The following TMEFF2 variants were observed in gnomAD, a reference collection of about 807,000 sequenced individuals.
The protein encoded by TMEFF2 is transmembrane protein with EGF like and two follistatin like domains 2.
In TMEFF2, 28 loss-of-function variants were observed where a neutral mutation model predicts 53.8. That is an observed-to-expected ratio of 0.52 (90% CI 0.39 to 0.71). The LOEUF is 0.71. Ranked by LOEUF, TMEFF2 falls within the 30% of genes least tolerant of loss-of-function variation. The probability of loss-of-function intolerance (pLI) is 0.00; values close to 1 mark genes in which losing one functional copy is unlikely to be tolerated. For synonymous variants in TMEFF2, 162 were observed against 166.3 expected, an observed-to-expected ratio of 0.97 and a Z score of 0.20; for missense variants, 353 against 455.2, an observed-to-expected ratio of 0.78 and a Z score of 2.04.
chr2:192,071,838 T>A (rs1326475062), intron 4 of TMEFF2, among the ~76,000 whole-genome samples: 1 of 151,868 alleles, frequency 6.6e-6, no homozygotes, highest in Non-Finnish European at 1.5e-5. Flanking sequence ...TATTCCTTAG[T>A]TGGTTGAATT....
At chr2:192,057,541 CATT>C (rs1445194839) in intron 5 of TMEFF2, 135 bp downstream of exon 5, 1 of 786,930 alleles carries the variant, frequency 1.3e-6, no homozygotes, top group Non-Finnish European at 2.1e-6. Context: ...TCCTTGCCCT[CATT>C]TTTTTTTTCA....
At chr2:192,174,014 C>A (rs1380286290) in intron 4 of TMEFF2, among the ~76,000 whole-genome samples, 1 of 151,716 alleles carries the variant, frequency 6.6e-6, no homozygotes, top group East Asian at 1.9e-4. Flanking sequence ...CCTATAGATA[C>A]ATATTACTGT....
rs567141651 is a variant in TMEFF2, at chr2:192,166,300, G to A, written c.439+13368C>T. ...AGAGAGGGCTCAGAAGAGAGTTATC[G>A]GAATGCCTATGTTGCCATACCATGG... On this transcript the variant is annotated intron_variant, in intron 4 of 9. Transcript: ENST00000272771. Among the ~76,000 whole-genome samples the A allele has an allele frequency of 1.1e-4, 17 of 152,176 alleles. No homozygotes were observed. In the South Asian group the frequency reaches 1.2e-3, roughly 11 times the overall value.
intron 7 of TMEFF2, among the ~76,000 whole-genome samples, chr2:191,958,187 G>T (rs1285556854): frequency 6.6e-6 from 1 of 152,150 alleles, no homozygotes; most frequent in Non-Finnish European, 1.5e-5. Flanking sequence ...GTTTAAAGGA[G>T]ACTTTAGCAG....
chr2:191,949,657 C>A lies in TMEFF2; in HGVS notation c.*654G>T. On this transcript the variant is annotated 3_prime_UTR_variant, in exon 10 of 10. Transcript: ENST00000272771. ...AAAAACCAATATTTTCTTTCCCTCT[C>A]CTTTATGAGTTATAAAACACTTTCC... 3 of 985,288 alleles carry A rather than the reference C, an allele frequency of 3.0e-6. No homozygotes were observed. Among genetic ancestry groups the A allele is most frequent in the Non-Finnish European group, 3.6e-6 (3 of 829,888 alleles). 61.0% of individuals were successfully genotyped at this position (985,288 alleles called of 1,614,324 possible).
chr2:192,192,050 A>G (rs1268157436), intron 1 of TMEFF2, 61 bp from the exon 2 acceptor site: 1 of 1,216,742 alleles, frequency 8.2e-7, no homozygotes, highest in East Asian at 2.4e-5. Flanking sequence ...AACAAAAAAA[A>G]GCACTACTTT....
chr2:192,000,859 C>A (rs756612425), intron 5 of TMEFF2, among the ~76,000 whole-genome samples: 3 of 152,180 alleles, frequency 2.0e-5, no homozygotes, highest in Non-Finnish European at 2.9e-5. Context: ...CAGATGGCAA[C>A]CATCTCTAAA....
chr2:192,012,017 G>C (rs543625875), intron 5 of TMEFF2, among the ~76,000 whole-genome samples: 23 of 152,150 alleles, frequency 1.5e-4, no homozygotes, highest in Non-Finnish European at 3.1e-4. Context: ...CTCTCGAGTA[G>C]CTGGGACTAT....
At chr2:192,124,278 G>A (rs1689626254) in intron 4 of TMEFF2, among the ~76,000 whole-genome samples, 1 of 152,192 alleles carries the variant, frequency 6.6e-6, no homozygotes, top group African/African-American at 2.4e-5. Context: ...AGGACCACAG[G>A]GGTAAACATT....
At chr2:192,150,495 T>G (rs1221149048) in intron 4 of TMEFF2, among the ~76,000 whole-genome samples, 1 of 151,818 alleles carries the variant, frequency 6.6e-6, no homozygotes, top group Non-Finnish European at 1.5e-5. Flanking sequence ...TCAGGGATGT[T>G]TTTGGTGGAT....
intron 5 of TMEFF2, among the ~76,000 whole-genome samples, chr2:192,024,607 T>C (rs1406910436): frequency 1.3e-5 from 2 of 152,334 alleles, no homozygotes; most frequent in South Asian, 2.1e-4. Flanking sequence ...CGTTTTAAAA[T>C]ATATACTCGC....
chr2:191,960,141 G>C (rs954623500), intron 7 of TMEFF2, among the ~76,000 whole-genome samples: 1 of 152,102 alleles, frequency 6.6e-6, no homozygotes, highest in African/African-American at 2.4e-5. Context: ...CCAAAGTGCT[G>C]GGATTACAGT....
chr2:192,110,273 T>A (rs993209142), intron 4 of TMEFF2, among the ~76,000 whole-genome samples: 1 of 152,012 alleles, frequency 6.6e-6, no homozygotes, highest in African/African-American at 2.4e-5. Flanking sequence ...AACCCAGAGG[T>A]CATTGGTGAC....
intron 4 of TMEFF2, among the ~76,000 whole-genome samples, chr2:192,132,735 C>G (rs1689876323): frequency 6.6e-6 from 1 of 152,166 alleles, no homozygotes; most frequent in Non-Finnish European, 1.5e-5. Flanking sequence ...GCAAGGAATG[C>G]CTGCAGCCCA....
chr2:191,974,299 A>G (rs1019200195), intron 7 of TMEFF2, among the ~76,000 whole-genome samples: 1 of 152,088 alleles, frequency 6.6e-6, no homozygotes, highest in Non-Finnish European at 1.5e-5. Flanking sequence ...AGAGATTCCT[A>G]TGATTGCCTT....
intron 4 of TMEFF2, among the ~76,000 whole-genome samples, chr2:192,115,550 T>C (rs1689384030): frequency 6.6e-6 from 1 of 151,892 alleles, no homozygotes; most frequent in African/African-American, 2.4e-5. Context: ...AAAAGCAACA[T>C]ATGGAGTGGG....
intron 5 of TMEFF2, among the ~76,000 whole-genome samples, chr2:192,037,417 C>T: frequency 6.6e-6 from 1 of 151,202 alleles, no homozygotes; most frequent in Non-Finnish European, 1.5e-5. Context: ...CAGTGAGGTT[C>T]TATTTCCTTA....
intron 5 of TMEFF2, chr2:192,021,835 C>G (rs567370008): frequency 6.6e-6 from 1 of 152,004 alleles, no homozygotes; most frequent in East Asian, 1.9e-4. Flanking sequence ...TCTTCGGATA[C>G]GAAAAAAGCA....
intron 7 of TMEFF2, among the ~76,000 whole-genome samples, chr2:191,973,587 A>G (rs1182229619): frequency 5.2e-5 from 4 of 77,084 alleles, no homozygotes; most frequent in Non-Finnish European, 8.5e-5. Context: ...TGAGAGGGCT[A>G]AAGGCAGAGA....
Sources: gnomAD v4.1 joint callset for allele counts (sites outside exome capture counted in the v4.1 genomes callset) on GRCh38, gnomAD v4.1.1 for gene constraint, MANE v1.5 for transcripts, NCBI Gene and HGNC (gene_info 2026-07-23, HGNC 2026-07-21) for gene names.